Variants in EIF2B3 observed in about 807,000 individuals in gnomAD.
EIF2B3 encodes translation initiation factor eIF2B subunit gamma.
A neutral mutation model predicts 54.1 loss-of-function variants in EIF2B3; 20 were observed. The ratio of observed to expected loss-of-function variants is 0.37; its 90% CI spans 0.26 to 0.54. The LOEUF (loss-of-function observed/expected upper bound fraction) is 0.54, where lower values mean the gene tolerates loss of function less well. Among genes scored for constraint, EIF2B3 ranks in the 20% least tolerant of loss-of-function variants. EIF2B3 has a pLI of 0.86. For synonymous variants in EIF2B3, 153 were observed against 188.1 expected (o/e 0.81, Z 1.52); for missense variants, 448 against 547.8 (o/e 0.82, Z 1.82).
rs554251456 is a variant in EIF2B3, at chr1:44,881,132, G to A, written c.784+480C>T. 1.3e-5 allele frequency among the ~76,000 whole-genome samples: 2 copies of A among 152,278 alleles called. No individual in the cohort carries two copies. The highest frequency in any genetic ancestry group is 3.9e-4 in the East Asian group (2 of 5,190). On this transcript the variant is annotated intron_variant, in intron 7 of 11. Coordinates refer to ENST00000360403, the MANE Select transcript of EIF2B3 (RefSeq NM_020365.5). The surrounding 1 kb of genome is among the most constrained non-coding windows in gnomAD (Gnocchi z 4.0). ...TACTATGAGTCCACGACTGGGCCGGGGATTAGGGATATGACAGCAAACAAG... is the reference window on the plus strand; with the variant it reads ...TACTATGAGTCCACGACTGGGCCGGAGATTAGGGATATGACAGCAAACAAG...
chr1:44,930,477 G>A (rs1643887424), intron 4 of EIF2B3, among the ~76,000 whole-genome samples: 1 of 152,208 alleles, frequency 6.6e-6, no homozygotes, highest in African/African-American at 2.4e-5. Context: ...TGAAGTGACA[G>A]TGTGTGTTTT....
In EIF2B3 at chr1:44,952,111, C is replaced by T. The variant is rs556446259; in HGVS notation, c.295-10446G>A. On this transcript the variant is annotated intron_variant, in intron 3 of 11. Transcript: ENST00000360403. ...CCAAGTAGCTGGGACTACAGGCGCC[C>T]GCCACTACGCCCGGCTAATTTTTTT... is the stretch of plus-strand genomic sequence containing the variant. 2.0e-3 allele frequency among the ~76,000 whole-genome samples: 272 copies of T among 137,288 alleles called. 26 individuals are homozygous for T. The highest frequency in any genetic ancestry group is 0.016 in the Admixed American group (221 of 13,526). The allele number at this position is 137,288 out of a possible 152,430, so 90.1% of individuals were successfully genotyped here.
intron 3 of EIF2B3, among the ~76,000 whole-genome samples, chr1:44,976,001 G>A (rs1211996956): frequency 6.6e-6 from 1 of 152,018 alleles, no homozygotes; most frequent in Non-Finnish European, 1.5e-5. Flanking sequence ...GTCTCAAAAA[G>A]AATACAAAAC....
rs143169660 is a variant in EIF2B3 at position 44,868,865 on chromosome 1, A to G, written c.1202+5813T>C. On this transcript the variant is annotated intron_variant, in intron 10 of 11. Coordinates refer to ENST00000360403, the MANE Select transcript of EIF2B3 (RefSeq NM_020365.5). Reference sequence around the variant, plus strand: ...AGAGGACATGGCGTAGCAGGGGTGCAACAAGAAAAATGTCTGGAATGCTAC... The same window carrying G: ...AGAGGACATGGCGTAGCAGGGGTGCGACAAGAAAAATGTCTGGAATGCTAC... Among the ~76,000 whole-genome samples, 622 of 152,316 alleles carry G rather than the reference A, an allele frequency of 4.1e-3. 2 individuals are homozygous for G. Among genetic ancestry groups the G allele is most frequent in the East Asian group, 7.1e-3 (37 of 5,186 alleles).
In EIF2B3 at chr1:44,950,523, C is replaced by T. The variant is rs1178704671; in HGVS notation, c.295-8858G>A. On this transcript the variant is annotated intron_variant, in intron 3 of 11. Transcript: ENST00000360403. ...AACAAAGTAGCTAAAAGAAGAGAACCTTTCGGGTTAGGGATATGGGGTGGG... is the reference window on the plus strand; with the variant it reads ...AACAAAGTAGCTAAAAGAAGAGAACTTTTCGGGTTAGGGATATGGGGTGGG... 2.0e-5 allele frequency among the ~76,000 whole-genome samples: 3 copies of T among 151,804 alleles called. No individual in the cohort carries two copies. The East Asian group carries it at 5.8e-4, about 29-fold the overall frequency.
intron 5 of EIF2B3, among the ~76,000 whole-genome samples, chr1:44,902,996 C>T (rs1437500238): frequency 6.6e-6 from 1 of 152,082 alleles, no homozygotes; most frequent in East Asian, 1.9e-4. Context: ...TACTGTATGT[C>T]AGGGGCAAAG....
intron 10 of EIF2B3, among the ~76,000 whole-genome samples, chr1:44,864,468 G>A (rs1447495052): frequency 4.6e-5 from 7 of 152,098 alleles, no homozygotes; most frequent in Non-Finnish European, 8.8e-5. Context: ...AGGCTGAGGT[G>A]GGAGGATAGC....
intron 3 of EIF2B3, among the ~76,000 whole-genome samples, chr1:44,976,085 CA>C (rs1368196153): frequency 6.6e-6 from 1 of 152,046 alleles, no homozygotes; most frequent in African/African-American, 2.4e-5. Context: ...ACACAAAAAG[CA>C]ATAACCATAA....
chr1:44,918,989 C>T (rs1424787441), intron 5 of EIF2B3, among the ~76,000 whole-genome samples: 1 of 152,140 alleles, frequency 6.6e-6, no homozygotes, highest in Non-Finnish European at 1.5e-5. Flanking sequence ...TCTCATCATT[C>T]CAAAGTAATT....
In EIF2B3 at chr1:44,963,028, G is replaced by T. The variant is rs562486893; in HGVS notation, c.294+15287C>A. Among the ~76,000 whole-genome samples the T allele has an allele frequency of 2.6e-5, 4 of 152,050 alleles. No homozygotes were observed. The South Asian group carries it at 8.3e-4, about 32-fold the overall frequency. On this transcript the variant is annotated intron_variant, in intron 3 of 11. Transcript: ENST00000360403. Reference sequence around the variant, plus strand: ...AGACTGCTTGAGCCCAGGAGTTCGAGCCTGGGCACCATGGCAAAACCCCAT... The same window carrying T: ...AGACTGCTTGAGCCCAGGAGTTCGATCCTGGGCACCATGGCAAAACCCCAT...
chr1:44,953,661 T>C (rs532776170), intron 3 of EIF2B3, among the ~76,000 whole-genome samples: 1 of 152,164 alleles, frequency 6.6e-6, no homozygotes, highest in South Asian at 2.1e-4. Context: ...GGTGTGGTGG[T>C]GTGTGCCTGT....
rs953452830 is a variant in EIF2B3 at position 44,956,120 on chromosome 1, C to T, written c.295-14455G>A. Among the ~76,000 whole-genome samples, 23 of 152,254 alleles carry T rather than the reference C, an allele frequency of 1.5e-4. No individual in the cohort carries two copies. The South Asian group carries it at 1.9e-3, about 12-fold the overall frequency. On this transcript the variant is annotated intron_variant, in intron 3 of 11. Transcript: ENST00000360403. ...CTAAGACTTGGAACCAACCCAAATA[C>T]CCATTGATGATAGGCTAGATAAAGA...
chr1:44,946,632 T>C (rs1306138941), intron 3 of EIF2B3, among the ~76,000 whole-genome samples: 2 of 149,756 alleles, frequency 1.3e-5, no homozygotes, highest in Admixed American at 6.7e-5. Context: ...TTCTTCTTTT[T>C]TTTTTTTTTT....
At chr1:44,937,776 C>T (rs532498022) in intron 4 of EIF2B3, among the ~76,000 whole-genome samples, 19 of 150,546 alleles carry the variant, frequency 1.3e-4, no homozygotes, top group Admixed American at 8.6e-4. Context: ...CCCAGCTACG[C>T]GGGAGGCTGA....
chr1:44,948,388 T>C (rs908349440), intron 3 of EIF2B3, among the ~76,000 whole-genome samples: 3 of 152,172 alleles, frequency 2.0e-5, no homozygotes, highest in African/African-American at 7.2e-5. Flanking sequence ...CAAAATCTTC[T>C]TCCAGTCTCT....
chr1:44,985,991 A>C (rs558741017), intron 1 of EIF2B3, among the ~76,000 whole-genome samples: 4 of 152,286 alleles, frequency 2.6e-5, no homozygotes, highest in Non-Finnish European at 5.9e-5. Flanking sequence ...CAAACAACTA[A>C]AGGCAGGCTG....
At chr1:44,942,887 C>G (rs61673889) in intron 3 of EIF2B3, among the ~76,000 whole-genome samples, 25,746 of 151,518 alleles carry the variant, frequency 0.17, 2,290 homozygotes, top group Non-Finnish European at 0.18. Context: ...ACAGAGTCTC[C>G]CTCTGTTGCC....
chr1:44,920,472 T>C (rs891369478), intron 5 of EIF2B3, among the ~76,000 whole-genome samples: 14 of 152,086 alleles, frequency 9.2e-5, no homozygotes, highest in Admixed American at 3.3e-4. Flanking sequence ...AAATATTAGG[T>C]TTTATTCATT....
intron 5 of EIF2B3, among the ~76,000 whole-genome samples, chr1:44,924,434 A>C (rs1430483832): frequency 1.3e-5 from 2 of 151,354 alleles, no homozygotes; most frequent in African/African-American, 4.9e-5. Context: ...ACCGAGTCTC[A>C]CTCTGTCGCC....
Sources: allele counts gnomAD v4.1 joint callset (sites outside exome capture counted in the v4.1 genomes callset), GRCh38; gene constraint gnomAD v4.1.1; non-coding constraint Gnocchi (gnomAD v3.1); transcripts MANE v1.5; gene names NCBI Gene and HGNC (gene_info 2026-07-23, HGNC 2026-07-21).